The following RUNX1T1 variants were observed in gnomAD, a reference collection of about 807,000 sequenced individuals.
RUNX1T1 encodes protein CBFA2T1.
RUNX1T1 carries 4 observed loss-of-function variants against 62.8 expected under a neutral mutation model. That is an observed-to-expected ratio of 0.06 (90% confidence interval 0.03 to 0.15). The LOEUF is 0.15. Ranked by LOEUF, RUNX1T1 falls within the 10% of genes least tolerant of loss-of-function variation. The pLI is 1.00. For missense variants in RUNX1T1, 508 were observed against 754.3 expected, an observed-to-expected ratio of 0.67 and a Z score of 3.82; for synonymous variants, 291 against 286.0, an observed-to-expected ratio of 1.02 and a Z score of -0.18.
chr8:91,957,510 TG>T (rs1339728578), downstream of RUNX1T1: 6 of 227,078 alleles, frequency 2.6e-5, no homozygotes, highest in African/African-American at 4.5e-5. Flanking sequence ...GATTTTTTTT[TG>T]TATTTGTTTT....
At chr8:92,026,973 G>A (rs1203696564) in intron 1 of RUNX1T1, among the ~76,000 whole-genome samples, 1 of 144,626 alleles carries the variant, frequency 6.9e-6, no homozygotes, top group African/African-American at 2.6e-5. Flanking sequence ...AAAATTAGCC[G>A]GGCATGGTGG....
chr8:91,971,248 C>A (rs1812767991), intron 9 of RUNX1T1: 1 of 155,290 alleles, frequency 6.4e-6, no homozygotes, highest in Non-Finnish European at 1.4e-5. Flanking sequence ...CAAACTAATG[C>A]CTCCAGAAAT....
At chr8:92,015,501 A>G (rs1306611129) in intron 2 of RUNX1T1, among the ~76,000 whole-genome samples, 1 of 152,230 alleles carries the variant, frequency 6.6e-6, no homozygotes, top group Non-Finnish European at 1.5e-5. Context: ...AGTGGTGATA[A>G]TTCAGTAAAT....
chr8:91,998,419 C>A (rs1819123071), intron 5 of RUNX1T1, among the ~76,000 whole-genome samples: 1 of 152,140 alleles, frequency 6.6e-6, no homozygotes, highest in South Asian at 2.1e-4. Context: ...TGGAGAGAAG[C>A]ACCTTTAATC....
intron 1 of RUNX1T1, among the ~76,000 whole-genome samples, chr8:92,027,595 G>A (rs1002929796): frequency 6.6e-6 from 1 of 152,130 alleles, no homozygotes; most frequent in Non-Finnish European, 1.5e-5. Context: ...AAGAAGTGCC[G>A]GCACAAGACA....
exon 11 of RUNX1T1, chr8:91,959,458 GTGTGTGTGTATA>G (rs1809951249): frequency 5.9e-5 from 7 of 119,156 alleles, no homozygotes; most frequent in Non-Finnish European, 7.0e-5. Flanking sequence ...GTGTGTGTGT[GTGTGTGTGTATA>G]TGTGCGTGTG....
At chr8:92,048,163 T>C (rs1237592818) in intron 1 of RUNX1T1, among the ~76,000 whole-genome samples, 1 of 152,210 alleles carries the variant, frequency 6.6e-6, no homozygotes, top group Admixed American at 6.5e-5. Flanking sequence ...TGTAAACATT[T>C]ACAACTGATA....
At chr8:92,057,927 T>G (rs776696784) in intron 1 of RUNX1T1, among the ~76,000 whole-genome samples, 26 of 152,158 alleles carry the variant, frequency 1.7e-4, no homozygotes, top group Non-Finnish European at 3.7e-4. Flanking sequence ...ATGAATGCCC[T>G]ATCCTTAGTA....
At chr8:92,008,309 T>C (rs1586963200) in intron 4 of RUNX1T1, among the ~76,000 whole-genome samples, 1 of 151,928 alleles carries the variant, frequency 6.6e-6, no homozygotes, top group East Asian at 1.9e-4. Context: ...GTTGCTTGAC[T>C]TTACTAATAC....
chr8:91,959,117 A>G (rs1809833242), exon 11 of RUNX1T1: 1 of 217,978 alleles, frequency 4.6e-6, no homozygotes, highest in African/African-American at 2.2e-5. Context: ...CATTTACAAG[A>G]AAAACACCAT....
intron 1 of RUNX1T1, among the ~76,000 whole-genome samples, chr8:92,021,265 G>A (rs1587062670): frequency 2.0e-5 from 3 of 152,138 alleles, no homozygotes; most frequent in Admixed American, 6.6e-5. Flanking sequence ...ATCAAGGTGG[G>A]TATAGAACTT....
At chr8:91,990,842 G>A (rs1254694740) in intron 6 of RUNX1T1, among the ~76,000 whole-genome samples, 2 of 151,964 alleles carry the variant, frequency 1.3e-5, no homozygotes, top group Admixed American at 6.6e-5. Flanking sequence ...ACTTTTAGTA[G>A]AGACGGGATT....
chr8:92,068,909 T>G (rs1020635731), intron 2 of RUNX1T1, among the ~76,000 whole-genome samples: 2 of 152,184 alleles, frequency 1.3e-5, no homozygotes, highest in Non-Finnish European at 2.9e-5. Flanking sequence ...CAATTCTTGA[T>G]GAACTTGATT....
intron 1 of RUNX1T1, chr8:92,095,211 T>C: frequency 2.0e-6 from 3 of 1,534,404 alleles, no homozygotes; most frequent in Non-Finnish European, 2.6e-6. Flanking sequence ...TCTTCACTTC[T>C]CCTGGTCTTA....
At position 92,050,085 on chromosome 8, in the gene RUNX1T1, G is replaced by A. The variant is rs563634444; in HGVS notation, c.7+12461C>T. On this transcript the variant is annotated intron_variant, in intron 1 of 10. Transcript: ENST00000396218. ...TTCTTCAATGTTAAACATGTCTTGA[G>A]GAAAAAAAAAGAAAATATATTTAAA... Among the ~76,000 whole-genome samples, 15 of 150,714 alleles carry A rather than the reference G, an allele frequency of 1.0e-4. No individual in the cohort carries two copies. The South Asian group carries it at 3.1e-3, about 32-fold the overall frequency.
chr8:92,076,197 A>AC lies in RUNX1T1; in HGVS notation c.-85-61dup, dbSNP rs923560925. 6.6e-5 allele frequency: 89 copies of AC among 1,344,016 alleles called. No individual in the cohort carries two copies. The African/African-American group carries it at 1.3e-3, about 19-fold the overall frequency. The allele number at this position is 1,344,016 out of a possible 1,614,324, so 83.3% of individuals were successfully genotyped here. A position where few individuals can be genotyped will look rare whatever the true frequency, so the allele number is the denominator to read the frequency against. Reference sequence around the variant, plus strand: ...TATCACAACCAGTCTGAAGTATCATACCCATCTGTTTACATGATAACACTA... The same window carrying AC: ...TATCACAACCAGTCTGAAGTATCATACCCCATCTGTTTACATGATAACACTA... On this transcript the variant is annotated intron_variant, in intron 1 of 11. Coordinates refer to the RUNX1T1 transcript ENST00000265814.
chr8:91,981,569 C>T (rs1815282011), intron 8 of RUNX1T1, among the ~76,000 whole-genome samples: 1 of 151,702 alleles, frequency 6.6e-6, no homozygotes, highest in Admixed American at 6.6e-5. Flanking sequence ...GGTGCACCAC[C>T]ATTATCTGGC....
At chr8:92,073,536 A>G (rs1469382151) in intron 2 of RUNX1T1, among the ~76,000 whole-genome samples, 5 of 152,140 alleles carry the variant, frequency 3.3e-5, no homozygotes, top group Non-Finnish European at 1.5e-5. Flanking sequence ...CTTCTAAATT[A>G]CAACTCCAAA....
chr8:91,970,013 G>A (rs1252206575), intron 10 of RUNX1T1, among the ~76,000 whole-genome samples: 2 of 109,502 alleles, frequency 1.8e-5, no homozygotes, highest in East Asian at 5.9e-4. Flanking sequence ...AGCCATTTAG[G>A]CTAGCTGTGT....
Sources: allele counts gnomAD v4.1 joint callset (sites outside exome capture counted in the v4.1 genomes callset), GRCh38; gene constraint gnomAD v4.1.1; transcripts MANE v1.5; gene names NCBI Gene and HGNC (gene_info 2026-07-23, HGNC 2026-07-21).